Variants in LRCH3 observed in about 807,000 individuals in gnomAD.
LRCH3 encodes the protein DISP complex protein LRCH3.
Under a neutral mutation model 104.5 loss-of-function variants are expected in LRCH3, and 68 were observed. That is an observed-to-expected ratio of 0.65 (90% confidence interval 0.54 to 0.80). The LOEUF is 0.80. LRCH3 is among the 30% of genes least tolerant of loss of function. The pLI is 0.00. For synonymous variants in LRCH3, 344 were observed against 361.3 expected, an observed-to-expected ratio of 0.95 and a Z score of 0.54; for missense variants, 951 against 953.9, an observed-to-expected ratio of 1.00 and a Z score of 0.04.
At chr3:197,858,783 G>C (rs1356729450) in intron 14 of LRCH3, 51 bp from the exon 15 acceptor site, 1 of 1,444,974 alleles carries the variant, frequency 6.9e-7, no homozygotes, top group Non-Finnish European at 9.7e-7. Flanking sequence ...CCTGACATTT[G>C]CTAACATAAA....
chr3:197,883,093 ATCTTTCAT>A lies in LRCH3; in HGVS notation c.2209-443_2209-436del. The A allele has an allele frequency of 4.1e-6, 4 of 985,870 alleles. No individual in the cohort carries two copies. The highest frequency in any genetic ancestry group is 4.8e-6 in the Non-Finnish European group (4 of 830,250). The allele number at this position is 985,870 out of a possible 1,614,324, so 61.1% of individuals were successfully genotyped here. On this transcript the variant is annotated intron_variant, in intron 20 of 20. Coordinates refer to ENST00000425562, the MANE Select transcript of LRCH3 (RefSeq NM_001365715.1). The surrounding 1 kb of genome is among the most constrained non-coding windows in gnomAD (Gnocchi z 4.2). ...GCAGGCTGAGTTATGTTTTCAAACT[ATCTTTCAT>A]TCTTGTGGTAGGGAACTTACCCTCA...
At position 197,854,213 on chromosome 3, in the gene LRCH3, C is replaced by T. The variant is rs1171092011; in HGVS notation, c.1591-179C>T. ...TCTGGGAGAAGATCAGTACTCAGAA[C>T]CAACTTACTGACTATTATAATGCAT... On this transcript the variant is annotated intron_variant, in intron 13 of 20. Coordinates refer to ENST00000425562, the MANE Select transcript of LRCH3 (RefSeq NM_001365715.1). This position sits in a 1 kb window ranked among gnomAD's most constrained non-coding sequence, Gnocchi z 4.5. Among the ~76,000 whole-genome samples the T allele has an allele frequency of 6.6e-6, 1 of 152,208 alleles. No homozygotes were observed. The highest frequency in any genetic ancestry group is 1.5e-5 in the Non-Finnish European group (1 of 68,036).
chr3:197,879,169 A>G (rs1055974614), intron 20 of LRCH3, among the ~76,000 whole-genome samples: 1 of 152,232 alleles, frequency 6.6e-6, no homozygotes, highest in Non-Finnish European at 1.5e-5. Context: ...TGAGTCCAGT[A>G]TCTTTTGTCC....
rs758870680 is a variant in LRCH3, at chr3:197,835,700, T to C, written c.1129T>C (p.Tyr377His). 6.2e-7 allele frequency: 1 copy of C among 1,613,774 alleles called. No homozygotes were observed. The highest frequency in any genetic ancestry group is 2.2e-5 in the East Asian group (1 of 44,868). The change falls in exon 9 of 21, where the codon TAC (tyrosine) becomes CAC (histidine). Residue 377 changes from tyrosine (Y) to histidine (H), a missense_variant. Transcript: ENST00000425562. Reference protein sequence around the residue: ...GVEHDLDQIDYIDSCTAEEEE... With the variant: ...GVEHDLDQIDHIDSCTAEEEE... Reference sequence around the variant, plus strand: ...GGAACATGATCTGGATCAGATTGACTACATAGACAGCTGCACCGCAGAGGA... The same window carrying C: ...GGAACATGATCTGGATCAGATTGACCACATAGACAGCTGCACCGCAGAGGA...
intron 1 of LRCH3, among the ~76,000 whole-genome samples, chr3:197,809,673 C>T (rs1374037395): frequency 6.6e-6 from 1 of 151,682 alleles, no homozygotes; most frequent in Non-Finnish European, 1.5e-5. Flanking sequence ...TCTTTCCTCT[C>T]TGCCCTCCGC....
At chr3:197,820,235 T>G in intron 3 of LRCH3, 90 bp from the exon 4 acceptor site, 1 of 873,072 alleles carries the variant, frequency 1.1e-6, no homozygotes, top group Non-Finnish European at 1.9e-6. Context: ...TACCAGAAGG[T>G]CTCCCAAACA....
At chr3:197,819,032 A>G (rs1734171868) in intron 3 of LRCH3, among the ~76,000 whole-genome samples, 1 of 151,968 alleles carries the variant, frequency 6.6e-6, no homozygotes, top group South Asian at 2.1e-4. Flanking sequence ...AGGCTGAGGC[A>G]GGAGAATCGC....
At chr3:197,872,239 C>A (rs1251330744) in intron 19 of LRCH3, among the ~76,000 whole-genome samples, 5 of 151,700 alleles carry the variant, frequency 3.3e-5, no homozygotes, top group Admixed American at 3.3e-4. Context: ...TGCCTATAGT[C>A]CCAGCTACTC....
At chr3:197,847,301 T>G (rs1738876761) in intron 10 of LRCH3, 108 bp from the exon 11 acceptor site, 1 of 1,020,934 alleles carries the variant, frequency 9.8e-7, no homozygotes, top group African/African-American at 1.7e-5. Flanking sequence ...AGTTTGCTAC[T>G]GATTAATAGA....
rs1714169001 is a variant in LRCH3, at chr3:197,886,036, C to G, written c.*2370C>G. ...ATTCATCAGAACATTACCACTTGAC[C>G]AGGTTTAAAATTGTATAACAGGCTG... On this transcript the variant is annotated 3_prime_UTR_variant, in exon 21 of 21. Transcript: ENST00000425562. The G allele has an allele frequency of 6.6e-6, 1 of 151,980 alleles. No homozygotes were observed. The highest frequency in any genetic ancestry group is 2.4e-5 in the African/African-American group (1 of 41,350). 9.4% of individuals were successfully genotyped at this position (151,980 alleles called of 1,614,324 possible).
In LRCH3 at chr3:197,880,789, T is replaced by C. The variant is rs949886691; in HGVS notation, c.2209-2752T>C. 9 of 1,528,840 alleles carry C rather than the reference T, an allele frequency of 5.9e-6. No homozygotes were observed. The East Asian group carries it at 1.2e-4, about 21-fold the overall frequency. The allele number at this position is 1,528,840 out of a possible 1,614,324, so 94.7% of individuals were successfully genotyped here. A position where few individuals can be genotyped will look rare whatever the true frequency, so the allele number is the denominator to read the frequency against. On this transcript the variant is annotated intron_variant, in intron 20 of 20. Transcript: ENST00000425562. The stretch of plus-strand genomic sequence containing the variant: ...GAGGTTTGTTTCTCATCCAGAATTA[T>C]TTACATAAGTGCTTTTTCTCCCTGC...
chr3:197,875,219 C>T (rs374052398), intron 19 of LRCH3, among the ~76,000 whole-genome samples: 2 of 152,086 alleles, frequency 1.3e-5, no homozygotes, highest in African/African-American at 4.8e-5. Context: ...CGTGAGCCAC[C>T]GCACCTGGCA....
In LRCH3 at chr3:197,866,104, T is replaced by C. The variant is rs533951060; in HGVS notation, c.1766-8T>C. 1 of 1,590,920 alleles carries C rather than the reference T, an allele frequency of 6.3e-7. No individual in the cohort carries two copies. Among genetic ancestry groups the C allele is most frequent in the East Asian group, 2.2e-5 (1 of 44,774 alleles). The stretch of plus-strand genomic sequence containing the variant: ...TTTAATCTCATTTTATTTTTCATGC[T>C]AATTTAGTTCATCATTCCCCTGCAT... On this transcript the variant is annotated splice_polypyrimidine_tract_variant and splice_region_variant and intron_variant, in intron 16 of 20. Transcript: ENST00000425562.
chr3:197,808,127 A>G (rs766944440), intron 1 of LRCH3, among the ~76,000 whole-genome samples: 1 of 152,220 alleles, frequency 6.6e-6, no homozygotes, highest in Non-Finnish European at 1.5e-5. Context: ...TAAAGAGGTA[A>G]TTAAGTTCAG....
rs1363506314 is a variant in LRCH3, at chr3:197,885,120, C to CAT, written c.*1455_*1456insTA. 6.6e-6 allele frequency: 1 copy of CAT among 152,218 alleles called. No homozygotes were observed. Among genetic ancestry groups the CAT allele is most frequent in the Non-Finnish European group, 1.5e-5 (1 of 68,064 alleles). The allele number at this position is 152,218 out of a possible 1,614,324, so 9.4% of individuals were successfully genotyped here. On this transcript the variant is annotated 3_prime_UTR_variant, in exon 21 of 21. Coordinates refer to ENST00000425562, the MANE Select transcript of LRCH3 (RefSeq NM_001365715.1). ...ATCAACAACAAGCCCTCTCTCTATA[C>CAT]AGAGTTTCCAAATTCTGAAGCTGAT...
chr3:197,840,696 A>G (rs989495157), intron 10 of LRCH3, among the ~76,000 whole-genome samples: 5 of 150,372 alleles, frequency 3.3e-5, no homozygotes, highest in East Asian at 2.0e-4. Context: ...GGACTGAGCT[A>G]TAGATGGAAT....
intron 18 of LRCH3, 74 bp downstream of exon 18, chr3:197,870,352 A>C: frequency 5.9e-6 from 8 of 1,361,162 alleles, no homozygotes; most frequent in Non-Finnish European, 6.1e-6. Flanking sequence ...TCACGTCTTC[A>C]TTTGACACAT....
chr3:197,839,841 G>A (rs958187472), intron 10 of LRCH3, among the ~76,000 whole-genome samples: 1 of 151,918 alleles, frequency 6.6e-6, no homozygotes, highest in Non-Finnish European at 1.5e-5. Context: ...TGGCATGGTG[G>A]TGCATGCCTG....
rs527637724 is a variant in LRCH3 at position 197,834,420 on chromosome 3, G to A, written c.1103-1254G>A. ...CCTCTAGCAGATAGTTTTCCAAATA[G>A]GACAATCTTTGTTCTGATCTTTTTT... On this transcript the variant is annotated intron_variant, in intron 8 of 20. Coordinates refer to ENST00000425562, the MANE Select transcript of LRCH3 (RefSeq NM_001365715.1). 7.2e-5 allele frequency among the ~76,000 whole-genome samples: 11 copies of A among 152,218 alleles called. No homozygotes were observed. The East Asian group carries it at 2.1e-3, about 29-fold the overall frequency.
Sources: allele counts gnomAD v4.1 joint callset (sites outside exome capture counted in the v4.1 genomes callset), GRCh38; gene constraint gnomAD v4.1.1; non-coding constraint Gnocchi (gnomAD v3.1); transcripts MANE v1.5; gene names NCBI Gene and HGNC (gene_info 2026-07-23, HGNC 2026-07-21).